CNBD1: variants seen among roughly 807,000 people sequenced by gnomAD.
CNBD1 encodes cyclic nucleotide-binding domain-containing protein 1.
A neutral mutation model predicts 54.4 loss-of-function variants in CNBD1; 71 were observed. The ratio of observed to expected loss-of-function variants is 1.30; its 90% CI spans 1.08 to 1.59. The LOEUF (loss-of-function observed/expected upper bound fraction) is 1.59. Ranked by LOEUF, CNBD1 falls within the 40% of genes most tolerant of loss-of-function variation. The probability of loss-of-function intolerance (pLI) is 0.00; values close to 1 mark genes in which losing one functional copy is unlikely to be tolerated. For missense variants in CNBD1, 659 were observed against 518.0 expected (o/e 1.27, Z -2.64); for synonymous variants, 182 against 170.7 (o/e 1.07, Z -0.51).
At chr8:86,926,596 C>A (rs1034022606) in intron 3 of CNBD1, among the ~76,000 whole-genome samples, 6 of 152,172 alleles carry the variant, frequency 3.9e-5, no homozygotes, top group African/African-American at 1.4e-4. Flanking sequence ...TTTCAGAAGC[C>A]TTTTCCTGTA....
chr8:87,351,052 C>A (rs566103968), intron 8 of CNBD1, among the ~76,000 whole-genome samples: 48 of 152,156 alleles, frequency 3.2e-4, no homozygotes, highest in Non-Finnish European at 5.6e-4. Context: ...ACTTTATATG[C>A]CCCATGTGGT....
chr8:87,067,314 C>T (rs935796933), intron 4 of CNBD1, among the ~76,000 whole-genome samples: 1 of 151,858 alleles, frequency 6.6e-6, no homozygotes, highest in Admixed American at 6.6e-5. Flanking sequence ...TTTTCTCATG[C>T]CTTAAAAATG....
At chr8:87,280,146 A>G (rs757851715) in intron 6 of CNBD1, among the ~76,000 whole-genome samples, 7 of 151,548 alleles carry the variant, frequency 4.6e-5, no homozygotes, top group Non-Finnish European at 1.0e-4. Context: ...CCTTCCAGAT[A>G]TCAGTGTATA....
Position 86,960,655 on chromosome 8 carries a change from C to T in CNBD1, c.431+20901C>T, listed in dbSNP as rs145014143. Reference sequence around the variant, plus strand: ...GAGTAGTGGTTCTCCCAGCACGGAGCTGGAGATCTGAGAATGGACAGACTG... The same window carrying T: ...GAGTAGTGGTTCTCCCAGCACGGAGTTGGAGATCTGAGAATGGACAGACTG... On this transcript the variant is annotated intron_variant, in intron 4 of 10. Coordinates refer to ENST00000518476, the MANE Select transcript of CNBD1 (RefSeq NM_173538.3). Among the ~76,000 whole-genome samples, 160 of 152,302 alleles carry T rather than the reference C, an allele frequency of 1.1e-3. No homozygotes were observed. In the East Asian group the frequency reaches 0.025, roughly 24 times the overall value.
intron 10 of CNBD1, among the ~76,000 whole-genome samples, chr8:87,367,627 C>A (rs115935353): frequency 6.6e-6 from 1 of 152,234 alleles, no homozygotes; most frequent in South Asian, 2.1e-4. Context: ...TCACTGTGTT[C>A]CACACATTAT....
chr8:87,089,213 G>A (rs949424825), intron 4 of CNBD1, among the ~76,000 whole-genome samples: 7 of 152,082 alleles, frequency 4.6e-5, no homozygotes, highest in African/African-American at 1.7e-4. Context: ...AATTTGACTA[G>A]GAATAGTGGA....
At chr8:87,381,264 C>T (rs1811066957) in intron 10 of CNBD1, among the ~76,000 whole-genome samples, 1 of 151,934 alleles carries the variant, frequency 6.6e-6, no homozygotes, top group Non-Finnish European at 1.5e-5. Flanking sequence ...ATACAAATGG[C>T]CAGCATGTGT....
At chr8:87,081,846 C>T (rs1811000932) in intron 4 of CNBD1, among the ~76,000 whole-genome samples, 1 of 152,066 alleles carries the variant, frequency 6.6e-6, no homozygotes, top group African/African-American at 2.4e-5. Context: ...TTCAAATAGG[C>T]TGATAATGTT....
At chr8:86,910,508 C>T (rs1346107703) in intron 3 of CNBD1, among the ~76,000 whole-genome samples, 1 of 152,180 alleles carries the variant, frequency 6.6e-6, no homozygotes, top group African/African-American at 2.4e-5. Flanking sequence ...GAGCATCCTG[C>T]ACAAAGAAGA....
chr8:87,071,607 AGGTAGGGTGGT>A (rs1240806819), intron 4 of CNBD1, among the ~76,000 whole-genome samples: 2 of 152,058 alleles, frequency 1.3e-5, no homozygotes, highest in African/African-American at 4.8e-5. Flanking sequence ...AGGTGATTTG[AGGTAGGGTGGT>A]GGTAGTGGAA....
intron 5 of CNBD1, among the ~76,000 whole-genome samples, chr8:87,234,179 G>A (rs960275440): frequency 6.6e-6 from 1 of 152,034 alleles, no homozygotes; most frequent in East Asian, 1.9e-4. Context: ...CTCCACCAAA[G>A]CCTTGAACCC....
intron 2 of CNBD1, among the ~76,000 whole-genome samples, chr8:87,390,609 G>A (rs1563583787): frequency 6.6e-6 from 1 of 152,202 alleles, no homozygotes; most frequent in African/African-American, 2.4e-5. Context: ...TGGAGAGGAT[G>A]TGGAGAAATA....
At chr8:87,056,076 T>C (rs766639200) in intron 4 of CNBD1, among the ~76,000 whole-genome samples, 37 of 152,142 alleles carry the variant, frequency 2.4e-4, no homozygotes, top group Non-Finnish European at 4.7e-4. Context: ...AGTCCTACTA[T>C]TATCCCCACT....
chr8:87,061,516 A>G (rs2130639933), intron 4 of CNBD1, among the ~76,000 whole-genome samples: 1 of 152,306 alleles, frequency 6.6e-6, no homozygotes, highest in Non-Finnish European at 1.5e-5. Context: ...ATGCATTTAC[A>G]TTCATGTTAA....
intron 10 of CNBD1, among the ~76,000 whole-genome samples, chr8:87,376,602 T>A (rs1810945049): frequency 6.6e-6 from 1 of 151,992 alleles, no homozygotes; most frequent in Non-Finnish European, 1.5e-5. Flanking sequence ...ACATATGTAT[T>A]CATAGAGTTC....
chr8:86,970,879 C>G (rs1255414636), intron 4 of CNBD1, among the ~76,000 whole-genome samples: 1 of 152,120 alleles, frequency 6.6e-6, no homozygotes, highest in African/African-American at 2.4e-5. Flanking sequence ...TAGGTTGATT[C>G]CATGTCTTGG....
intron 2 of CNBD1, among the ~76,000 whole-genome samples, chr8:86,895,853 A>G (rs1311131446): frequency 6.6e-6 from 1 of 152,126 alleles, no homozygotes; most frequent in Admixed American, 6.5e-5. Flanking sequence ...GCTATTTATC[A>G]AATATGTGTT....
At chr8:87,257,369 C>CAAAAAAAAAAAAAA (rs771338208) in intron 6 of CNBD1, among the ~76,000 whole-genome samples, 37 of 67,496 alleles carry the variant, frequency 5.5e-4, no homozygotes, top group African/African-American at 1.0e-3. Flanking sequence ...AACTCTATCG[C>CAAAAAAAAAAAAAA]AAAAAAAAAA....
intron 3 of CNBD1, among the ~76,000 whole-genome samples, chr8:86,922,081 G>A (rs1809283562): frequency 2.0e-5 from 3 of 152,084 alleles, no homozygotes; most frequent in Admixed American, 2.0e-4. Flanking sequence ...AAGGATAAGA[G>A]TTGTCCAGAA....
Sources: gnomAD v4.1 joint callset for allele counts (sites outside exome capture counted in the v4.1 genomes callset) on GRCh38, gnomAD v4.1.1 for gene constraint, MANE v1.5 for transcripts, NCBI Gene and HGNC (gene_info 2026-07-23, HGNC 2026-07-21) for gene names.